RFTN2: variants seen among roughly 807,000 people sequenced by gnomAD.
RFTN2 encodes the protein raftlin family member 2.
In RFTN2, 34 loss-of-function variants were observed where a neutral mutation model predicts 52.7. The observed-to-expected ratio is 0.64, with a 90% CI of 0.49 to 0.86. RFTN2 has a LOEUF of 0.86. Ranked by LOEUF, RFTN2 falls within the 40% of genes least tolerant of loss-of-function variation. The probability of loss-of-function intolerance (pLI) is 0.00; values close to 1 mark genes in which losing one functional copy is unlikely to be tolerated. For missense variants in RFTN2, 536 were observed against 600.1 expected, an observed-to-expected ratio of 0.89 and a Z score of 1.12; for synonymous variants, 203 against 217.7, an observed-to-expected ratio of 0.93 and a Z score of 0.59.
At chr2:197,607,445 C>T in intron 7 of RFTN2, among the ~76,000 whole-genome samples, 1 of 150,796 alleles carries the variant, frequency 6.6e-6, no homozygotes, top group East Asian at 1.9e-4. Context: ...CAAACCTGCA[C>T]ATTGTGCACA....
At chr2:197,633,320 G>C (rs536274213) in intron 4 of RFTN2, among the ~76,000 whole-genome samples, 1 of 152,294 alleles carries the variant, frequency 6.6e-6, no homozygotes, top group East Asian at 1.9e-4. Context: ...AACCATCCAT[G>C]AAATGGGAAA....
intron 5 of RFTN2, among the ~76,000 whole-genome samples, chr2:197,619,357 A>T (rs1031365585): frequency 5.3e-5 from 8 of 152,034 alleles, no homozygotes; most frequent in Non-Finnish European, 1.0e-4. Flanking sequence ...TCTGTGTAGA[A>T]AGAGGTAGAC....
rs201711932 is a variant in RFTN2 at position 197,626,614 on chromosome 2, C to CTTTTT, written c.928+4396_928+4397insAAAAA. Among the ~76,000 whole-genome samples the CTTTTT allele has an allele frequency of 6.9e-4, 67 of 97,628 alleles. 9 individuals are homozygous for CTTTTT. The highest frequency in any genetic ancestry group is 1.6e-3 in the African/African-American group (38 of 23,798). The allele number at this position is 97,628 out of a possible 152,430, so 64.0% of individuals were successfully genotyped here. A position where few individuals can be genotyped will look rare whatever the true frequency, so the allele number is the denominator to read the frequency against. On this transcript the variant is annotated intron_variant, in intron 5 of 8. Transcript: ENST00000295049. ...AGTTAAAATAAAAAAAAGGAATAAT[C>CTTTTT]TTCTTTTTTTTTTTTTTTTTTTTTT...
chr2:197,574,925 G>T (rs1221326942), intron 8 of RFTN2, among the ~76,000 whole-genome samples: 1 of 152,116 alleles, frequency 6.6e-6, no homozygotes, highest in African/African-American at 2.4e-5. Flanking sequence ...GAACTGTTAG[G>T]TAGGCATGAT....
At chr2:197,638,701 AGTCTGT>A (rs1449509926) in intron 3 of RFTN2, among the ~76,000 whole-genome samples, 1 of 147,510 alleles carries the variant, frequency 6.8e-6, no homozygotes, top group African/African-American at 2.5e-5. Context: ...CCAATTTGCC[AGTCTGT>A]GTCTTTTAAT....
intron 8 of RFTN2, among the ~76,000 whole-genome samples, chr2:197,582,498 C>A (rs1014279447): frequency 1.3e-5 from 2 of 152,190 alleles, no homozygotes; most frequent in African/African-American, 4.8e-5. Context: ...AATTGCCACT[C>A]ACCAGCAAAG....
At chr2:197,635,199 T>C (rs538782570) in intron 3 of RFTN2, among the ~76,000 whole-genome samples, 4 of 152,086 alleles carry the variant, frequency 2.6e-5, no homozygotes, top group East Asian at 1.9e-4. Flanking sequence ...ATAAACATAC[T>C]TGTGCATGTG....
At chr2:197,666,632 T>C (rs977598965) in intron 1 of RFTN2, among the ~76,000 whole-genome samples, 1 of 152,232 alleles carries the variant, frequency 6.6e-6, no homozygotes, top group African/African-American at 2.4e-5. Context: ...TCTTTTTGCA[T>C]TGTATGTGTT....
intron 6 of RFTN2, 73 bp from the exon 7 acceptor site, chr2:197,616,052 A>T (rs1453882056): frequency 7.4e-5 from 65 of 877,814 alleles, no homozygotes; most frequent in Non-Finnish European, 9.2e-6. Flanking sequence ...ACAAAGGGTG[A>T]TGCGTGTTAG....
chr2:197,607,262 C>T (rs2087977279), intron 7 of RFTN2, among the ~76,000 whole-genome samples: 2 of 151,866 alleles, frequency 1.3e-5, no homozygotes, highest in Non-Finnish European at 2.9e-5. Flanking sequence ...TTCTCACTCA[C>T]AGGTGGGAAT....
At chr2:197,604,131 A>C (rs889007663) in intron 7 of RFTN2, among the ~76,000 whole-genome samples, 5 of 152,236 alleles carry the variant, frequency 3.3e-5, no homozygotes, top group Admixed American at 6.5e-5. Context: ...TAAAAGTATG[A>C]TAATATTTTG....
intron 3 of RFTN2, among the ~76,000 whole-genome samples, 200 bp downstream of exon 3, chr2:197,643,958 G>T (rs955715494): frequency 4.6e-5 from 7 of 151,956 alleles, no homozygotes; most frequent in Non-Finnish European, 8.8e-5. Flanking sequence ...TTTAGTTCTG[G>T]TTGTCCATTT....
At chr2:197,641,009 T>G (rs1158004235) in intron 3 of RFTN2, among the ~76,000 whole-genome samples, 1 of 152,214 alleles carries the variant, frequency 6.6e-6, no homozygotes, top group African/African-American at 2.4e-5. Flanking sequence ...CTTGTTAAAT[T>G]AGTTAAATGA....
chr2:197,584,428 G>T (rs529440050), intron 8 of RFTN2, among the ~76,000 whole-genome samples: 5 of 152,140 alleles, frequency 3.3e-5, no homozygotes, highest in African/African-American at 1.2e-4. Context: ...AGAAGTGTCT[G>T]TTCATATGCT....
At chr2:197,580,496 G>A (rs957103319) in intron 8 of RFTN2, among the ~76,000 whole-genome samples, 1 of 152,202 alleles carries the variant, frequency 6.6e-6, no homozygotes, top group Non-Finnish European at 1.5e-5. Context: ...GACTGTCCAA[G>A]TCACCTGGCA....
intron 5 of RFTN2, among the ~76,000 whole-genome samples, chr2:197,629,148 A>T (rs1021247758): frequency 6.6e-6 from 1 of 152,252 alleles, no homozygotes; most frequent in Non-Finnish European, 1.5e-5. Context: ...ACGTACACGT[A>T]TGTTTATTGT....
intron 8 of RFTN2, among the ~76,000 whole-genome samples, chr2:197,594,271 C>T (rs2087762640): frequency 6.6e-6 from 1 of 152,026 alleles, no homozygotes; most frequent in South Asian, 2.1e-4. Context: ...ACTTCCGCCT[C>T]CCAGAGTGCT....
At chr2:197,661,428 T>C (rs1246883846) in intron 1 of RFTN2, among the ~76,000 whole-genome samples, 2 of 151,958 alleles carry the variant, frequency 1.3e-5, no homozygotes, top group African/African-American at 4.8e-5. Flanking sequence ...TATATATTTT[T>C]GTAGAGATGA....
At chr2:197,581,382 A>AC (rs1205884004) in intron 8 of RFTN2, among the ~76,000 whole-genome samples, 2 of 151,944 alleles carry the variant, frequency 1.3e-5, no homozygotes, top group African/African-American at 4.8e-5. Context: ...ATTCCCCTGC[A>AC]CCCATTGTCC....
Sources: allele counts gnomAD v4.1 joint callset (sites outside exome capture counted in the v4.1 genomes callset), GRCh38; gene constraint gnomAD v4.1.1; transcripts MANE v1.5; gene names NCBI Gene and HGNC (gene_info 2026-07-23, HGNC 2026-07-21).